The following NAV2 variants were observed in gnomAD, a reference collection of about 807,000 sequenced individuals.
NAV2 encodes the protein neuron navigator 2.
Under a neutral mutation model 223.2 loss-of-function variants are expected in NAV2, and 54 were observed. That is an observed-to-expected ratio of 0.24 (90% CI 0.19 to 0.30). NAV2 has a LOEUF of 0.30. Ranked by LOEUF, NAV2 falls within the 10% of genes least tolerant of loss-of-function variation. The probability of loss-of-function intolerance (pLI) is 1.00; values close to 1 mark genes in which losing one functional copy is unlikely to be tolerated. For synonymous variants in NAV2, 1,279 were observed against 1,239.3 expected (o/e 1.03, Z -0.67); for missense variants, 2,806 against 3,147.5 (o/e 0.89, Z 2.60).
intron 31 of NAV2, among the ~76,000 whole-genome samples, chr11:20,098,940 G>A (rs1050001214): frequency 2.0e-5 from 3 of 152,236 alleles, no homozygotes; most frequent in Non-Finnish European, 2.9e-5. Flanking sequence ...CCTGGTTGAT[G>A]AAATGGCCCC....
chr11:19,395,446 G>A (rs566189316), intron 1 of NAV2, among the ~76,000 whole-genome samples: 14 of 152,332 alleles, frequency 9.2e-5, no homozygotes, highest in African/African-American at 3.4e-4. Context: ...TGTGGAGAAT[G>A]GCCAGACATG....
chr11:19,749,020 T>C (rs930428212), intron 1 of NAV2, among the ~76,000 whole-genome samples: 1 of 152,352 alleles, frequency 6.6e-6, no homozygotes, highest in East Asian at 1.9e-4. Context: ...AGAGGTCTTC[T>C]TGTACCCTTT....
chr11:19,767,241 G>C (rs1164596687), intron 1 of NAV2, among the ~76,000 whole-genome samples: 1 of 152,166 alleles, frequency 6.6e-6, no homozygotes, highest in Non-Finnish European at 1.5e-5. Flanking sequence ...CATGAGAGTA[G>C]CTCTTGATTG....
intron 1 of NAV2, among the ~76,000 whole-genome samples, chr11:19,656,467 G>A (rs914009764): frequency 3.9e-5 from 6 of 152,226 alleles, no homozygotes; most frequent in African/African-American, 1.2e-4. Flanking sequence ...TGAGGGGGGA[G>A]AGGCACAGAC....
chr11:19,624,761 CCTGCACCCA>C (rs2047113837), intron 1 of NAV2, among the ~76,000 whole-genome samples: 2 of 121,872 alleles, frequency 1.6e-5, no homozygotes, highest in African/African-American at 1.2e-4. Context: ...CACCCACTGT[CCTGCACCCA>C]CTGTCTGACA....
chr11:20,114,836 CACTT>C (rs1169211658), intron 37 of NAV2, 41 bp downstream of exon 37: 1 of 1,567,576 alleles, frequency 6.4e-7, no homozygotes, highest in Non-Finnish European at 8.7e-7. Flanking sequence ...ATTCCTTTAG[CACTT>C]ACTGTGTGTT....
chr11:20,115,738 C>T (rs75986032), intron 37 of NAV2, among the ~76,000 whole-genome samples: 10,340 of 148,832 alleles, frequency 0.069, 826 homozygotes, highest in East Asian at 0.39. Flanking sequence ...CGTAACAAAA[C>T]CTCTTCTCTA....
intron 1 of NAV2, among the ~76,000 whole-genome samples, chr11:19,448,433 G>A (rs1203290989): frequency 6.6e-6 from 1 of 152,184 alleles, no homozygotes; most frequent in East Asian, 1.9e-4. Flanking sequence ...CTCATTGCGT[G>A]GATTGGAATA....
chr11:19,450,184 G>A (rs921060349), intron 1 of NAV2, among the ~76,000 whole-genome samples: 4 of 152,150 alleles, frequency 2.6e-5, no homozygotes, highest in Non-Finnish European at 5.9e-5. Flanking sequence ...TGGTACACAT[G>A]GATTTTTAAA....
intron 1 of NAV2, among the ~76,000 whole-genome samples, chr11:19,741,705 A>G (rs867684613): frequency 2.9e-5 from 4 of 136,166 alleles, no homozygotes; most frequent in Non-Finnish European, 6.2e-5. Context: ...ATATATATAT[A>G]TATATATATA....
chr11:19,785,232 G>C (rs1255046873), intron 1 of NAV2, among the ~76,000 whole-genome samples: 2 of 152,246 alleles, frequency 1.3e-5, no homozygotes, highest in South Asian at 4.1e-4. Flanking sequence ...CTTCACAGTA[G>C]AGGAAGGAAG....
At chr11:19,604,521 T>C (rs935380132) in intron 1 of NAV2, among the ~76,000 whole-genome samples, 11 of 152,010 alleles carry the variant, frequency 7.2e-5, no homozygotes, top group Non-Finnish European at 1.5e-4. Context: ...GATTGAGAGT[T>C]TGGGGACATA....
chr11:19,410,496 G>A (rs1417030537), intron 1 of NAV2, among the ~76,000 whole-genome samples: 3 of 152,148 alleles, frequency 2.0e-5, no homozygotes, highest in Non-Finnish European at 4.4e-5. Flanking sequence ...CTTATCCAGG[G>A]TCACGCAGTC....
chr11:19,731,269 A>G (rs1008278253), intron 1 of NAV2, among the ~76,000 whole-genome samples: 1 of 152,238 alleles, frequency 6.6e-6, no homozygotes, highest in African/African-American at 2.4e-5. Context: ...CTCACAGGCA[A>G]GCATTGCCCC....
At chr11:19,500,171 C>T (rs952974824) in intron 1 of NAV2, among the ~76,000 whole-genome samples, 4 of 152,144 alleles carry the variant, frequency 2.6e-5, no homozygotes, top group African/African-American at 4.8e-5. Context: ...AAGACCTTGG[C>T]ACATTTCCAC....
intron 1 of NAV2, among the ~76,000 whole-genome samples, chr11:19,400,440 C>T (rs555561623): frequency 7.4e-4 from 113 of 152,268 alleles, no homozygotes; most frequent in African/African-American, 2.5e-3. Context: ...GGAGTCACAT[C>T]GGTCCCTCTT....
At chr11:19,848,454 GTCC>G (rs1366826816) in intron 3 of NAV2, among the ~76,000 whole-genome samples, 1 of 152,154 alleles carries the variant, frequency 6.6e-6, no homozygotes. Context: ...CCTTTCTCTG[GTCC>G]TCCTCAGTCT....
chr11:19,868,777 G>A, intron 3 of NAV2, 148 bp from the exon 4 acceptor site: 1 of 676,596 alleles, frequency 1.5e-6, no homozygotes, highest in Admixed American at 2.7e-5. Context: ...TTTTTCCTGT[G>A]CAAGTACAGA....
At chr11:19,552,527 G>T (rs887420712) in intron 1 of NAV2, among the ~76,000 whole-genome samples, 3 of 151,974 alleles carry the variant, frequency 2.0e-5, no homozygotes, top group Non-Finnish European at 4.4e-5. Flanking sequence ...CACCCAGACC[G>T]AGCAGAAGCT....
Sources: gnomAD v4.1 joint callset for allele counts (sites outside exome capture counted in the v4.1 genomes callset) on GRCh38, gnomAD v4.1.1 for gene constraint, MANE v1.5 for transcripts, NCBI Gene and HGNC (gene_info 2026-07-23, HGNC 2026-07-21) for gene names.